Variants in NCMAP observed in about 807,000 individuals in gnomAD.
NCMAP encodes noncompact myelin-associated protein.
A neutral mutation model predicts 7.8 loss-of-function variants in NCMAP; 8 were observed. That is an observed-to-expected ratio of 1.02 (90% CI 0.60 to 1.84). NCMAP has a LOEUF of 1.84. NCMAP is among the 40% of genes most tolerant of loss of function. The pLI, the probability that NCMAP is intolerant of heterozygous loss-of-function variation, is 0.00. For missense variants in NCMAP, 112 were observed against 131.4 expected (o/e 0.85, Z 0.72); for synonymous variants, 41 against 52.9 (o/e 0.78, Z 0.98).
intron 1 of NCMAP, among the ~76,000 whole-genome samples, chr1:24,586,986 A>T (rs940959928): frequency 6.6e-6 from 1 of 152,204 alleles, no homozygotes; most frequent in Non-Finnish European, 1.5e-5. Flanking sequence ...ATCTCATTTA[A>T]TTCTCACAAC....
intron 2 of NCMAP, among the ~76,000 whole-genome samples, chr1:24,598,794 G>T (rs924369183): frequency 1.3e-5 from 2 of 151,110 alleles, no homozygotes; most frequent in Admixed American, 6.6e-5. Flanking sequence ...TGTACCACCA[G>T]GCCCAGCTAA....
chr1:24,589,171 C>A (rs913539434), intron 1 of NCMAP, among the ~76,000 whole-genome samples: 1 of 152,084 alleles, frequency 6.6e-6, no homozygotes, highest in Non-Finnish European at 1.5e-5. Flanking sequence ...GCACCGAGTG[C>A]GGTGCCGGAC....
intron 1 of NCMAP, among the ~76,000 whole-genome samples, chr1:24,571,285 G>C (rs969141511): frequency 6.7e-6 from 1 of 150,304 alleles, no homozygotes; most frequent in East Asian, 1.9e-4. Context: ...GACCAGCCTG[G>C]CCAACATAGT....
intron 2 of NCMAP, 86 bp from the exon 3 acceptor site, chr1:24,600,854 G>A (rs1652460663): frequency 9.1e-7 from 1 of 1,098,414 alleles, no homozygotes; most frequent in Non-Finnish European, 1.4e-6. Context: ...TTGACCTAGT[G>A]AGGATGTCAG....
At chr1:24,573,211 C>A (rs1173454241) in intron 1 of NCMAP, among the ~76,000 whole-genome samples, 4 of 150,812 alleles carry the variant, frequency 2.7e-5, no homozygotes, top group Non-Finnish European at 5.9e-5. Context: ...ACGTTGAAAC[C>A]AGGTGGTTCG....
intron 2 of NCMAP, among the ~76,000 whole-genome samples, chr1:24,597,635 GAAAGAAAGAAAGAAAGAA>G (rs1652290819): frequency 8.4e-6 from 1 of 118,760 alleles, no homozygotes; most frequent in African/African-American, 3.7e-5. Flanking sequence ...AAGAAAGAAA[GAAAGAAAGAAAGAAAGAA>G]AGAAAGAAAG....
At chr1:24,566,560 A>G (rs1400083566) in intron 1 of NCMAP, among the ~76,000 whole-genome samples, 1 of 152,214 alleles carries the variant, frequency 6.6e-6, no homozygotes, top group Non-Finnish European at 1.5e-5. Flanking sequence ...AGTTCATGGA[A>G]GACCTTGATT....
Position 24,605,846 on chromosome 1 carries a change from G to T in NCMAP, c.*99G>T. 2.1e-6 allele frequency: 3 copies of T among 1,421,970 alleles called. No individual in the cohort carries two copies. Among genetic ancestry groups the T allele is most frequent in the Non-Finnish European group, 2.9e-6 (3 of 1,033,934 alleles). The allele number at this position is 1,421,970 out of a possible 1,614,324, so 88.1% of individuals were successfully genotyped here. On this transcript the variant is annotated 3_prime_UTR_variant, in exon 4 of 4. Coordinates refer to ENST00000374392, the MANE Select transcript of NCMAP (RefSeq NM_001010980.5). ...GGCAGCTTCACAATGAGCTTCTTCT[G>T]GTCAGGTCGACAGAGACATCTTTGA...
chr1:24,597,518 AAG>A (rs1491209916), intron 2 of NCMAP, among the ~76,000 whole-genome samples: 10 of 14,244 alleles, frequency 7.0e-4, no homozygotes, highest in Non-Finnish European at 1.1e-3. Flanking sequence ...AAAGAGAAGG[AAG>A]GGGGGGGGGG....
chr1:24,601,514 C>T (rs922356808), intron 3 of NCMAP, among the ~76,000 whole-genome samples: 5 of 152,166 alleles, frequency 3.3e-5, no homozygotes, highest in African/African-American at 1.2e-4. Flanking sequence ...TACCTTCAGT[C>T]ACAACCTTGA....
intron 1 of NCMAP, among the ~76,000 whole-genome samples, chr1:24,589,915 C>T (rs1570532185): frequency 1.3e-5 from 2 of 152,082 alleles, no homozygotes; most frequent in Admixed American, 6.6e-5. Flanking sequence ...CTCTGCCTCC[C>T]GGGTTCAAGC....
At chr1:24,601,916 C>T (rs1237718007) in intron 3 of NCMAP, among the ~76,000 whole-genome samples, 1 of 152,066 alleles carries the variant, frequency 6.6e-6, no homozygotes, top group African/African-American at 2.4e-5. Context: ...CGGCGTGCGC[C>T]TGTAGTCCCA....
At chr1:24,597,663 GA>G (rs1167251626) in intron 2 of NCMAP, among the ~76,000 whole-genome samples, 1 of 137,292 alleles carries the variant, frequency 7.3e-6, no homozygotes, top group Non-Finnish European at 1.6e-5. Flanking sequence ...AAGAAAGAAA[GA>G]AAGAAAGAAA....
intron 1 of NCMAP, among the ~76,000 whole-genome samples, chr1:24,566,976 A>G (rs1651245410): frequency 1.3e-5 from 2 of 152,108 alleles, no homozygotes; most frequent in African/African-American, 4.8e-5. Context: ...AAAATATCCA[A>G]GTCCAAGCAA....
intron 1 of NCMAP, among the ~76,000 whole-genome samples, chr1:24,562,215 C>T (rs961658625): frequency 2.6e-5 from 4 of 152,182 alleles, no homozygotes; most frequent in African/African-American, 4.8e-5. Flanking sequence ...CCAGTAACAG[C>T]GTCATTCGTC....
At chr1:24,581,180 T>A (rs1651732610) in intron 1 of NCMAP, among the ~76,000 whole-genome samples, 1 of 151,570 alleles carries the variant, frequency 6.6e-6, no homozygotes, top group Non-Finnish European at 1.5e-5. Context: ...GCAGTGGTGC[T>A]ATTTTGGCTC....
chr1:24,561,863 T>C (rs911813534), intron 1 of NCMAP, among the ~76,000 whole-genome samples: 1 of 149,486 alleles, frequency 6.7e-6, no homozygotes, highest in African/African-American at 2.5e-5. Flanking sequence ...TGAGCTGAGA[T>C]CATGCCACCG....
At chr1:24,557,283 G>T (rs1056212886) in intron 1 of NCMAP, among the ~76,000 whole-genome samples, 1 of 152,162 alleles carries the variant, frequency 6.6e-6, no homozygotes, top group Non-Finnish European at 1.5e-5. Context: ...GTTCTAAGAG[G>T]TGGGTATGGA....
chr1:24,578,245 C>CAA (rs35145959), intron 1 of NCMAP, among the ~76,000 whole-genome samples: 22,680 of 115,980 alleles, frequency 0.2, 2,326 homozygotes, highest in East Asian at 0.39. Flanking sequence ...GACACTGTCT[C>CAA]AAAAAAAAAA....
Sources: gnomAD v4.1 joint callset for allele counts (sites outside exome capture counted in the v4.1 genomes callset) on GRCh38, gnomAD v4.1.1 for gene constraint, MANE v1.5 for transcripts, NCBI Gene and HGNC (gene_info 2026-07-23, HGNC 2026-07-21) for gene names.